The following FAM135B variants were observed in gnomAD, a reference collection of about 807,000 sequenced individuals.
The protein encoded by FAM135B is protein FAM135B.
Under a neutral mutation model 127.7 loss-of-function variants are expected in FAM135B, and 43 were observed. The ratio of observed to expected loss-of-function variants is 0.34; its 90% CI spans 0.26 to 0.43. The LOEUF is 0.43. FAM135B is among the 20% of genes least tolerant of loss of function. The probability of loss-of-function intolerance (pLI) is 1.00; values close to 1 mark genes in which losing one functional copy is unlikely to be tolerated. For missense variants in FAM135B, 1,558 were observed against 1,725.6 expected (o/e 0.90, Z 1.72); for synonymous variants, 670 against 665.1 (o/e 1.01, Z -0.11).
intron 1 of FAM135B, among the ~76,000 whole-genome samples, chr8:138,402,420 C>A (rs917342930): frequency 2.0e-5 from 3 of 152,070 alleles, no homozygotes; most frequent in South Asian, 2.1e-4. Flanking sequence ...TGTGTAAGGA[C>A]CAGATGGCTT....
chr8:138,162,988 T>C lies in FAM135B; in HGVS notation c.1258+4907A>G, dbSNP rs561185940. On this transcript the variant is annotated intron_variant, in intron 12 of 19. Coordinates refer to ENST00000395297, the MANE Select transcript of FAM135B (RefSeq NM_015912.4). ...CAGAAAGTGCAGAAAGTAAGTCAGT[T>C]GCCAAAATAGCAAATAATTAGTTTC... 2.6e-5 allele frequency among the ~76,000 whole-genome samples: 4 copies of C among 152,326 alleles called. No homozygotes were observed. In the South Asian group the frequency reaches 8.3e-4, roughly 32 times the overall value.
rs749720309 is a variant in FAM135B, at chr8:138,152,145, C to T, written c.2330G>A (p.Ser777Asn). Residue 777 changes from serine to asparagine, a missense_variant, in exon 13 of 20, where the codon AGT (serine) becomes AAT (asparagine). Physicochemically the swap from Ser to Asn is conservative, Grantham distance 46. Coordinates refer to ENST00000395297, the MANE Select transcript of FAM135B (RefSeq NM_015912.4). ...LTKSVSAPHI[S>N]SPEEAAEDAD... The stretch of plus-strand genomic sequence containing the variant: ...ATCTTCAGCAGCCTCCTCTGGGCTA[C>T]TGATGTGGGGAGCAGATACAGACTT... The T allele has an allele frequency of 1.2e-6, 2 of 1,614,008 alleles. No individual in the cohort carries two copies. Among genetic ancestry groups the T allele is most frequent in the East Asian group, 2.2e-5 (1 of 44,854 alleles).
intron 9 of FAM135B, among the ~76,000 whole-genome samples, chr8:138,183,833 C>T (rs934908380): frequency 1.3e-5 from 2 of 152,226 alleles, no homozygotes; most frequent in African/African-American, 4.8e-5. Flanking sequence ...GATCTATTCT[C>T]TACCTGGTGC....
At position 138,152,066 on chromosome 8, in the gene FAM135B, G is replaced by A. The variant is rs1818211991; in HGVS notation, c.2409C>T (p.Ser803=). 6.2e-7 allele frequency: 1 copy of A among 1,613,992 alleles called. No homozygotes were observed. The highest frequency in any genetic ancestry group is 8.5e-7 in the Non-Finnish European group (1 of 1,180,024). ...AAGATCCTGGGGAACCTTGGCTCTT[G>A]CTGTGCATATCTGAAGGTTCAGCAA... The part of the protein sequence containing the change: ...GGFAEPSDMH[S]KSQGSPGSCS... The change falls in exon 13 of 20, where the codon AGC becomes AGT. Residue 803 remains serine (S), a synonymous_variant. Coordinates refer to ENST00000395297, the MANE Select transcript of FAM135B (RefSeq NM_015912.4).
At chr8:138,342,858 A>C (rs1178661182) in intron 2 of FAM135B, among the ~76,000 whole-genome samples, 2 of 152,230 alleles carry the variant, frequency 1.3e-5, no homozygotes, top group Non-Finnish European at 2.9e-5. Context: ...GCCCACAAAC[A>C]TATGTGTAAA....
chr8:138,255,229 C>G (rs1821986373), intron 5 of FAM135B, among the ~76,000 whole-genome samples: 1 of 152,088 alleles, frequency 6.6e-6, no homozygotes, highest in African/African-American at 2.4e-5. Flanking sequence ...GGGAACAGTT[C>G]TGCCAGCATT....
intron 1 of FAM135B, among the ~76,000 whole-genome samples, chr8:138,477,790 C>A (rs958908570): frequency 2.0e-5 from 3 of 152,192 alleles, no homozygotes; most frequent in Non-Finnish European, 2.9e-5. Flanking sequence ...GAGAAAGATA[C>A]TTTGTCCTGA....
chr8:138,383,861 G>A (rs116386758), intron 1 of FAM135B, among the ~76,000 whole-genome samples: 8 of 152,214 alleles, frequency 5.3e-5, no homozygotes, highest in African/African-American at 9.6e-5. Flanking sequence ...AGGAGACCAC[G>A]CCCATCCTCT....
intron 2 of FAM135B, among the ~76,000 whole-genome samples, chr8:138,331,746 T>C (rs776728443): frequency 1.3e-4 from 20 of 152,210 alleles, no homozygotes; most frequent in Non-Finnish European, 5.9e-5. Flanking sequence ...TAGTTTCTAC[T>C]TCTTTTATAA....
At chr8:138,496,205 C>T (rs1349176129) in intron 1 of FAM135B, among the ~76,000 whole-genome samples, 2 of 152,184 alleles carry the variant, frequency 1.3e-5, no homozygotes, top group African/African-American at 4.8e-5. Flanking sequence ...CACAGCTGAG[C>T]TGCAGTGTCC....
intron 1 of FAM135B, among the ~76,000 whole-genome samples, chr8:138,435,341 A>G (rs1835404474): frequency 6.6e-6 from 1 of 151,918 alleles, no homozygotes; most frequent in Non-Finnish European, 1.5e-5. Context: ...CACATGCCAA[A>G]CTCCATGATG....
intron 3 of FAM135B, among the ~76,000 whole-genome samples, chr8:138,285,281 G>C (rs976516468): frequency 6.6e-6 from 1 of 151,226 alleles, no homozygotes; most frequent in African/African-American, 2.4e-5. Flanking sequence ...TGGGTAGCTG[G>C]AATTACAGGC....
intron 9 of FAM135B, among the ~76,000 whole-genome samples, chr8:138,189,676 T>G (rs891434970): frequency 1.3e-5 from 2 of 152,120 alleles, no homozygotes; most frequent in African/African-American, 4.8e-5. Flanking sequence ...CCTGCTCACC[T>G]CCTGTGAGGG....
At chr8:138,226,461 A>C (rs541218711) in intron 7 of FAM135B, among the ~76,000 whole-genome samples, 1 of 152,202 alleles carries the variant, frequency 6.6e-6, no homozygotes, top group Non-Finnish European at 1.5e-5. Context: ...CTGAAGGATG[A>C]GTAACGCCAA....
Position 138,375,968 on chromosome 8 carries a change from C to G in FAM135B, c.-19-7966G>C, listed in dbSNP as rs541322580. ...TTGTCTGGGCATCAACTGGGTTCAG[C>G]CTTCAGTCCTTATTTTTTTGCTTGT... On this transcript the variant is annotated intron_variant, in intron 1 of 19. Coordinates refer to ENST00000395297, the MANE Select transcript of FAM135B (RefSeq NM_015912.4). Among the ~76,000 whole-genome samples the G allele has an allele frequency of 3.9e-5, 6 of 152,150 alleles. No individual in the cohort carries two copies. The South Asian group carries it at 1.2e-3, about 32-fold the overall frequency.
intron 12 of FAM135B, among the ~76,000 whole-genome samples, chr8:138,154,226 C>T (rs1818469712): frequency 4.6e-5 from 7 of 151,910 alleles, no homozygotes; most frequent in Admixed American, 4.6e-4. Context: ...GCTGAGGGTC[C>T]TGACTGTTAG....
At position 138,342,023 on chromosome 8, in the gene FAM135B, T is replaced by C. The variant is rs141190381; in HGVS notation, c.77+25884A>G. ...TCAAGCCAGCAGATACGAAAAGCAC[T>C]CTGCCAATCATTTAACCCTGTCATT... On this transcript the variant is annotated intron_variant, in intron 2 of 19. Transcript: ENST00000395297. Among the ~76,000 whole-genome samples, 865 of 152,310 alleles carry C rather than the reference T, an allele frequency of 5.7e-3. 11 individuals carry two copies. Among genetic ancestry groups the C allele is most frequent in the African/African-American group, 0.02 (815 of 41,562 alleles).
In FAM135B at chr8:138,151,299, G is replaced by C. The variant is rs2130723760; in HGVS notation, c.3176C>G (p.Ser1059Cys). The C allele has an allele frequency of 1.2e-6, 2 of 1,614,052 alleles. No homozygotes were observed. Among genetic ancestry groups the C allele is most frequent in the South Asian group, 2.2e-5 (2 of 91,038 alleles). The change falls in exon 13 of 20, where the codon TCC becomes TGC. Residue 1059 changes from serine (S) to cysteine (C), a missense_variant. By Grantham distance (112) the Ser-to-Cys change is moderately radical (BLOSUM62 -1). Coordinates refer to ENST00000395297, the MANE Select transcript of FAM135B (RefSeq NM_015912.4). The part of the protein sequence containing the change: ...KETPARAGFS[S>C]KQTLFPITHQ... ...GGTGATGGGAAACAGGGTCTGTTTG[G>C]AAGAGAATCCAGCCCTGGCAGGGGT...
At chr8:138,383,527 T>A (rs58513471) in intron 1 of FAM135B, among the ~76,000 whole-genome samples, 308 of 152,296 alleles carry the variant, frequency 2.0e-3, no homozygotes, top group African/African-American at 7.1e-3. Context: ...AAAATGAGAA[T>A]GGGAGTAATA....
Sources: gnomAD v4.1 joint callset for allele counts (sites outside exome capture counted in the v4.1 genomes callset) on GRCh38, gnomAD v4.1.1 for gene constraint, MANE v1.5 for transcripts, NCBI Gene and HGNC (gene_info 2026-07-23, HGNC 2026-07-21) for gene names.